ASTN2: variants seen among roughly 807,000 people sequenced by gnomAD.
The protein encoded by ASTN2 is astrotactin 2.
Under a neutral mutation model 139.8 loss-of-function variants are expected in ASTN2, and 54 were observed. The observed-to-expected ratio is 0.39, with a 90% CI of 0.31 to 0.48. The LOEUF (loss-of-function observed/expected upper bound fraction) is 0.48. ASTN2 is among the 20% of genes least tolerant of loss of function. The pLI, the probability that ASTN2 is intolerant of heterozygous loss-of-function variation, is 0.95. For synonymous variants in ASTN2, 756 were observed against 719.5 expected, an observed-to-expected ratio of 1.05 and a Z score of -0.81; for missense variants, 1,565 against 1,725.1, an observed-to-expected ratio of 0.91 and a Z score of 1.64.
chr9:117,044,291 G>A (rs1838669519), intron 5 of ASTN2, among the ~76,000 whole-genome samples: 1 of 152,182 alleles, frequency 6.6e-6, no homozygotes, highest in South Asian at 2.1e-4. Context: ...GTGGGAGTTG[G>A]GGTGAGAATG....
chr9:117,008,246 C>G lies in ASTN2; in HGVS notation c.1437G>C (p.Val479=). The change falls in exon 7 of 23, where the codon GTG becomes GTC. Residue 479 remains valine (V), a synonymous_variant. Transcript: ENST00000313400. ...EHFIADGSSF[V]VSEGSYLDIS... is the part of the protein sequence containing the mutation. ...TGTCCAGGTAGCTCCCTTCACTCAC[C>G]ACGAAGCTGCTTCCTATGGGTGAAC... 1 of 1,601,342 alleles carries G rather than the reference C, an allele frequency of 6.2e-7. No individual in the cohort carries two copies. Among genetic ancestry groups the G allele is most frequent in the Non-Finnish European group, 8.5e-7 (1 of 1,173,998 alleles).
intron 3 of ASTN2, among the ~76,000 whole-genome samples, chr9:117,205,141 C>A (rs992182930): frequency 6.6e-6 from 1 of 152,054 alleles, no homozygotes. Context: ...GACAATAAAC[C>A]AGCAGTTCAA....
rs12236758 is a variant in ASTN2 at position 116,924,001 on chromosome 9, G to T, written c.1889+51207C>A. Reference sequence around the variant, plus strand: ...GCTTCTCCTCTTGTTACTGGAAAGGGGTCCCAATCCAGAACCCAATAGAGG... The same window carrying T: ...GCTTCTCCTCTTGTTACTGGAAAGGTGTCCCAATCCAGAACCCAATAGAGG... On this transcript the variant is annotated intron_variant, in intron 10 of 22. Coordinates refer to ENST00000313400, the MANE Select transcript of ASTN2 (RefSeq NM_001365068.1). Among the ~76,000 whole-genome samples the T allele has an allele frequency of 2.0e-5, 3 of 152,058 alleles. No homozygotes were observed. The South Asian group carries it at 6.2e-4, about 32-fold the overall frequency.
At chr9:116,606,622 C>T (rs932593433) in intron 19 of ASTN2, among the ~76,000 whole-genome samples, 1 of 152,158 alleles carries the variant, frequency 6.6e-6, no homozygotes, top group Non-Finnish European at 1.5e-5. Context: ...GTAATCCTAA[C>T]TGTCTAACCA....
intron 13 of ASTN2, among the ~76,000 whole-genome samples, chr9:116,755,505 C>A (rs952291452): frequency 6.6e-6 from 1 of 152,304 alleles, no homozygotes; most frequent in Non-Finnish European, 1.5e-5. Flanking sequence ...AAAAGGCAGC[C>A]ATCTGCAAGC....
At chr9:116,439,173 T>C (rs1303674434) in intron 22 of ASTN2, among the ~76,000 whole-genome samples, 1 of 150,958 alleles carries the variant, frequency 6.6e-6, no homozygotes, top group African/African-American at 2.4e-5. Context: ...CAAGATGATG[T>C]TGTGTTTTCT....
rs189059855 is a variant in ASTN2 at position 117,121,939 on chromosome 9, C to T, written c.1168+19387G>A. Among the ~76,000 whole-genome samples the T allele has an allele frequency of 1.7e-3, 252 of 152,268 alleles. 1 individual carries two copies. The highest frequency in any genetic ancestry group is 3.0e-3 in the Non-Finnish European group (204 of 68,016). The stretch of plus-strand genomic sequence containing the variant: ...TTGAGAACAGCAAGGGGGAAATCCG[C>T]CCCCAAGATCCAATACCATCCCATC... On this transcript the variant is annotated intron_variant, in intron 4 of 22. Coordinates refer to ENST00000313400, the MANE Select transcript of ASTN2 (RefSeq NM_001365068.1).
chr9:116,676,701 GCAA>G (rs1307575628), intron 16 of ASTN2, among the ~76,000 whole-genome samples: 1 of 152,210 alleles, frequency 6.6e-6, no homozygotes, highest in African/African-American at 2.4e-5. Flanking sequence ...TCTAGGAAAA[GCAA>G]TAGAAACTGC....
chr9:117,398,124 G>A (rs1465903835), intron 1 of ASTN2, among the ~76,000 whole-genome samples: 1 of 151,990 alleles, frequency 6.6e-6, no homozygotes, highest in Non-Finnish European at 1.5e-5. Flanking sequence ...ATCAAGCAAA[G>A]GAAAATAAAA....
intron 13 of ASTN2, among the ~76,000 whole-genome samples, chr9:116,780,846 T>TG (rs929276318): frequency 5.9e-5 from 9 of 151,408 alleles, no homozygotes; most frequent in Non-Finnish European, 1.2e-4. Flanking sequence ...TCAAATTCTT[T>TG]TTTTTTTTTT....
chr9:117,087,434 C>T (rs1828595694), intron 5 of ASTN2, among the ~76,000 whole-genome samples: 1 of 152,026 alleles, frequency 6.6e-6, no homozygotes, highest in Non-Finnish European at 1.5e-5. Flanking sequence ...CGCCATGTTG[C>T]CCAGGCTGGT....
intron 1 of ASTN2, among the ~76,000 whole-genome samples, chr9:117,311,451 T>G (rs1173064074): frequency 6.6e-6 from 1 of 152,076 alleles, no homozygotes; most frequent in Non-Finnish European, 1.5e-5. Flanking sequence ...GAGATTGCCA[T>G]CCACTCTTTT....
chr9:116,605,543 AT>A (rs1855148728), intron 19 of ASTN2, among the ~76,000 whole-genome samples: 1 of 152,168 alleles, frequency 6.6e-6, no homozygotes, highest in Non-Finnish European at 1.5e-5. Flanking sequence ...GGTGTGACCT[AT>A]CCCTTCTTGT....
chr9:116,999,606 C>T (rs566454681), intron 7 of ASTN2, among the ~76,000 whole-genome samples: 20 of 118,948 alleles, frequency 1.7e-4, no homozygotes, highest in Admixed American at 4.3e-4. Flanking sequence ...GTCACCCAGG[C>T]TGGAGTGCAC....
chr9:117,413,696 C>T (rs779243357), intron 1 of ASTN2, among the ~76,000 whole-genome samples: 2 of 152,246 alleles, frequency 1.3e-5, no homozygotes, highest in African/African-American at 2.4e-5. Context: ...GAGCCCCCCA[C>T]CCACACCCAT....
chr9:117,173,006 G>A (rs114789769), intron 3 of ASTN2, among the ~76,000 whole-genome samples: 311 of 152,058 alleles, frequency 2.0e-3, no homozygotes, highest in Non-Finnish European at 2.8e-3. Flanking sequence ...CTTCCTACTG[G>A]AACTACCTAG....
chr9:116,929,867 T>C (rs1370760671), intron 10 of ASTN2, among the ~76,000 whole-genome samples: 1 of 152,234 alleles, frequency 6.6e-6, no homozygotes, highest in Non-Finnish European at 1.5e-5. Flanking sequence ...ACATTTTTGA[T>C]TGAATACTTC....
At chr9:116,531,999 C>T (rs759598153) in intron 19 of ASTN2, among the ~76,000 whole-genome samples, 2 of 152,174 alleles carry the variant, frequency 1.3e-5, no homozygotes, top group Non-Finnish European at 2.9e-5. Flanking sequence ...AAAAGTGTTC[C>T]TATTTCTCCA....
At chr9:117,059,908 T>G (rs936071176) in intron 5 of ASTN2, among the ~76,000 whole-genome samples, 1 of 152,180 alleles carries the variant, frequency 6.6e-6, no homozygotes, top group African/African-American at 2.4e-5. Flanking sequence ...GGTTTATCTT[T>G]GGGATGGGAA....
Sources: allele counts gnomAD v4.1 joint callset (sites outside exome capture counted in the v4.1 genomes callset), GRCh38; gene constraint gnomAD v4.1.1; transcripts MANE v1.5; gene names NCBI Gene and HGNC (gene_info 2026-07-23, HGNC 2026-07-21).